Variants in DIP2B observed in about 807,000 individuals in gnomAD.
The protein encoded by DIP2B is disco-interacting protein 2 homolog B.
In DIP2B, 76 loss-of-function variants were observed where a neutral mutation model predicts 198.0. That is an observed-to-expected ratio of 0.38 (90% CI 0.32 to 0.46). The LOEUF (loss-of-function observed/expected upper bound fraction) is 0.46. DIP2B is among the 20% of genes least tolerant of loss of function. DIP2B has a pLI of 0.99. For missense variants in DIP2B, 1,559 were observed against 1,978.4 expected (o/e 0.79, Z 4.02); for synonymous variants, 701 against 739.1 (o/e 0.95, Z 0.84).
chr12:50,624,244 G>T (rs1937887446), intron 1 of DIP2B, among the ~76,000 whole-genome samples: 1 of 152,022 alleles, frequency 6.6e-6, no homozygotes, highest in South Asian at 2.1e-4. Flanking sequence ...CTCTTCTTGT[G>T]TGTCCCACAG....
chr12:50,704,274 T>G (rs1428417714), intron 20 of DIP2B, 54 bp downstream of exon 20: 2 of 1,565,184 alleles, frequency 1.3e-6, no homozygotes, highest in African/African-American at 2.7e-5. Flanking sequence ...TATTTGGACT[T>G]TAATTCACAG....
At chr12:50,625,704 A>G (rs1025063439) in intron 1 of DIP2B, among the ~76,000 whole-genome samples, 1 of 152,172 alleles carries the variant, frequency 6.6e-6, no homozygotes, top group Non-Finnish European at 1.5e-5. Flanking sequence ...GGGGATGCCT[A>G]GGAACTTGGG....
chr12:50,566,971 CA>C (rs34854416), intron 1 of DIP2B, among the ~76,000 whole-genome samples: 147 of 78,436 alleles, frequency 1.9e-3, no homozygotes, highest in African/African-American at 6.2e-3. Context: ...GACTCCGTCT[CA>C]AAAAAAAAAA....
chr12:50,511,735 G>A (rs538552095), intron 1 of DIP2B, among the ~76,000 whole-genome samples: 1 of 151,856 alleles, frequency 6.6e-6, no homozygotes, highest in Non-Finnish European at 1.5e-5. Context: ...GGATCACAAG[G>A]TCAAGAGATC....
At chr12:50,538,389 C>T (rs965309845) in intron 1 of DIP2B, among the ~76,000 whole-genome samples, 13 of 152,212 alleles carry the variant, frequency 8.5e-5, no homozygotes, top group South Asian at 6.2e-4. Context: ...AAAGCATTGC[C>T]GATAGTCAGC....
chr12:50,543,437 C>T (rs1958344700), intron 1 of DIP2B, among the ~76,000 whole-genome samples: 1 of 151,848 alleles, frequency 6.6e-6, no homozygotes, highest in Non-Finnish European at 1.5e-5. Context: ...TTACAGCCAC[C>T]CGCCATCACG....
At chr12:50,627,631 C>T (rs1005123264) in intron 2 of DIP2B, among the ~76,000 whole-genome samples, 3 of 152,218 alleles carry the variant, frequency 2.0e-5, no homozygotes, top group African/African-American at 7.2e-5. Flanking sequence ...GCCTGGCCTA[C>T]TATGAGAAAT....
chr12:50,505,118 G>A lies in DIP2B; in HGVS notation c.-23G>A. 1 of 1,530,070 alleles carries A rather than the reference G, an allele frequency of 6.5e-7. No individual in the cohort carries two copies. The highest frequency in any genetic ancestry group is 2.5e-5 in the East Asian group (1 of 40,320). The allele number at this position is 1,530,070 out of a possible 1,614,324, so 94.8% of individuals were successfully genotyped here. A position where few individuals can be genotyped will look rare whatever the true frequency, so the allele number is the denominator to read the frequency against. On this transcript the variant is annotated 5_prime_UTR_variant, in exon 1 of 38. Coordinates refer to ENST00000301180, the MANE Select transcript of DIP2B (RefSeq NM_173602.3). The stretch of plus-strand genomic sequence containing the variant: ...CCTTCGGCCCCCTCTCTTGTCTTCC[G>A]GAGTGTGGCTGGCGGAGCTGGGATG...
chr12:50,564,245 C>A (rs1958544905), intron 1 of DIP2B, among the ~76,000 whole-genome samples: 2 of 152,102 alleles, frequency 1.3e-5, no homozygotes, highest in Admixed American at 6.6e-5. Flanking sequence ...CACCATCTGC[C>A]TTTCCTTAAA....
intron 1 of DIP2B, among the ~76,000 whole-genome samples, chr12:50,553,260 C>T (rs1593603754): frequency 6.6e-6 from 1 of 152,254 alleles, no homozygotes; most frequent in East Asian, 1.9e-4. Context: ...GTCTTGGCAC[C>T]CTTTCATGTA....
At chr12:50,706,850 T>A (rs1231452202) in intron 21 of DIP2B, among the ~76,000 whole-genome samples, 185 bp downstream of exon 21, 1 of 152,162 alleles carries the variant, frequency 6.6e-6, no homozygotes, top group Non-Finnish European at 1.5e-5. Context: ...TAATATATAT[T>A]TTACAACATC....
At chr12:50,623,392 TACACACACACACACACACACAC>T (rs55689070) in intron 1 of DIP2B, among the ~76,000 whole-genome samples, 7 of 94,450 alleles carry the variant, frequency 7.4e-5, no homozygotes, top group East Asian at 3.2e-4. Flanking sequence ...TATATGTATC[TACACACACACACACACACACAC>T]ACACACACAC....
intron 1 of DIP2B, among the ~76,000 whole-genome samples, chr12:50,511,588 G>A (rs899268979): frequency 1.8e-4 from 27 of 151,534 alleles, no homozygotes; most frequent in Admixed American, 5.3e-4. Flanking sequence ...CCACCAGGCC[G>A]GGCCAATCAT....
At chr12:50,552,960 C>T (rs1016733424) in intron 1 of DIP2B, among the ~76,000 whole-genome samples, 15 of 152,042 alleles carry the variant, frequency 9.9e-5, no homozygotes, top group East Asian at 3.9e-4. Flanking sequence ...CTCAGCCTCC[C>T]GAGTAGCTGG....
intron 2 of DIP2B, among the ~76,000 whole-genome samples, chr12:50,627,620 C>T (rs558995582): frequency 2.6e-5 from 4 of 152,328 alleles, no homozygotes; most frequent in Admixed American, 1.3e-4. Context: ...TGAGCCACCA[C>T]GCCTGGCCTA....
intron 10 of DIP2B, among the ~76,000 whole-genome samples, chr12:50,684,839 C>T (rs1242399745): frequency 6.6e-6 from 1 of 151,992 alleles, no homozygotes; most frequent in Non-Finnish European, 1.5e-5. Flanking sequence ...TGCCTGTAAT[C>T]CTAGCACTTT....
intron 26 of DIP2B, among the ~76,000 whole-genome samples, chr12:50,722,258 T>G (rs1023221091): frequency 8.6e-5 from 5 of 58,154 alleles, no homozygotes; most frequent in African/African-American, 2.5e-4. Context: ...TGTTTGTTTA[T>G]TTTATTTTAT....
intron 37 of DIP2B, among the ~76,000 whole-genome samples, chr12:50,743,272 G>A (rs1287251102): frequency 6.6e-6 from 1 of 152,028 alleles, no homozygotes; most frequent in Admixed American, 6.6e-5. Context: ...TAGTAGAGAC[G>A]GGGTTTCACC....
intron 2 of DIP2B, among the ~76,000 whole-genome samples, chr12:50,632,478 CAAAA>C (rs756895459): frequency 1.3e-5 from 1 of 74,630 alleles, no homozygotes; most frequent in Non-Finnish European, 2.6e-5. Context: ...GACTCTGTCT[CAAAA>C]AAAAAAAAAA....
Sources: gnomAD v4.1 joint callset for allele counts (sites outside exome capture counted in the v4.1 genomes callset) on GRCh38, gnomAD v4.1.1 for gene constraint, MANE v1.5 for transcripts, NCBI Gene and HGNC (gene_info 2026-07-23, HGNC 2026-07-21) for gene names.